Variants in PRKCI observed in about 807,000 individuals in gnomAD.
The protein encoded by PRKCI is protein kinase C iota type.
A neutral mutation model predicts 84.0 loss-of-function variants in PRKCI; 43 were observed. That is an observed-to-expected ratio of 0.51 (90% CI 0.40 to 0.66). PRKCI has a LOEUF of 0.66. Among genes scored for constraint, PRKCI ranks in the 30% least tolerant of loss-of-function variants. The probability of loss-of-function intolerance (pLI) is 0.00; values close to 1 mark genes in which losing one functional copy is unlikely to be tolerated. For missense variants in PRKCI, 459 were observed against 745.6 expected, an observed-to-expected ratio of 0.62 and a Z score of 4.48; for synonymous variants, 216 against 234.4, an observed-to-expected ratio of 0.92 and a Z score of 0.72.
At chr3:170,272,256 G>A (rs573469831) in intron 6 of PRKCI, among the ~76,000 whole-genome samples, 12 of 152,218 alleles carry the variant, frequency 7.9e-5, no homozygotes, top group African/African-American at 2.9e-4. Context: ...ACTGCCTATC[G>A]ATTAGCCCTG....
intron 4 of PRKCI, among the ~76,000 whole-genome samples, 158 bp from the exon 5 acceptor site, chr3:170,267,756 GT>G (rs1240475802): frequency 6.6e-6 from 1 of 150,386 alleles, no homozygotes; most frequent in Non-Finnish European, 1.5e-5. Flanking sequence ...TTTTTCTTTG[GT>G]CCCTTGATGA....
intron 2 of PRKCI, among the ~76,000 whole-genome samples, chr3:170,252,676 G>A (rs1733484262): frequency 6.6e-6 from 1 of 150,488 alleles, no homozygotes; most frequent in South Asian, 2.1e-4. Flanking sequence ...ACAGCTCACT[G>A]CAGCCTTGAC....
chr3:170,241,964 C>T (rs933042857), intron 2 of PRKCI, among the ~76,000 whole-genome samples: 8 of 152,130 alleles, frequency 5.3e-5, no homozygotes, highest in Admixed American at 4.6e-4. Context: ...ACAAAATTAG[C>T]TGGGCGTGGT....
chr3:170,249,112 C>T (rs941538060), intron 2 of PRKCI, among the ~76,000 whole-genome samples: 2 of 151,920 alleles, frequency 1.3e-5, no homozygotes, highest in Non-Finnish European at 2.9e-5. Flanking sequence ...TCTCCCAAAG[C>T]GCTGGGATTA....
At chr3:170,235,168 T>C (rs1732937628) in intron 1 of PRKCI, 62 bp from the exon 2 acceptor site, 3 of 1,522,734 alleles carry the variant, frequency 2.0e-6, no homozygotes, top group Non-Finnish European at 2.7e-6. Context: ...AAGCATTCAG[T>C]AATATATACA....
At chr3:170,259,852 T>G in intron 2 of PRKCI, 117 bp from the exon 3 acceptor site, 1 of 484,648 alleles carries the variant, frequency 2.1e-6, no homozygotes, top group Non-Finnish European at 3.6e-6. Flanking sequence ...CCTTGTCATA[T>G]ATTTGTTTAT....
At chr3:170,240,732 G>C (rs1311109148) in intron 2 of PRKCI, among the ~76,000 whole-genome samples, 1 of 152,200 alleles carries the variant, frequency 6.6e-6, no homozygotes, top group Non-Finnish European at 1.5e-5. Context: ...TATGAGAAGT[G>C]CTGTTCCTCA....
intron 12 of PRKCI, among the ~76,000 whole-genome samples, chr3:170,287,876 T>C (rs1734434239): frequency 7.7e-6 from 1 of 130,056 alleles, no homozygotes; most frequent in Non-Finnish European, 1.5e-5. Context: ...GCCACTGCAC[T>C]CCAGTCTGGG....
chr3:170,263,342 A>G, intron 3 of PRKCI, 37 bp from the exon 4 acceptor site: 1 of 1,529,032 alleles, frequency 6.5e-7, no homozygotes, highest in Non-Finnish European at 9.0e-7. Flanking sequence ...TATGTTTTAA[A>G]TATGCTGTTA....
chr3:170,226,511 T>C (rs1732631791), intron 1 of PRKCI, among the ~76,000 whole-genome samples: 2 of 152,216 alleles, frequency 1.3e-5, no homozygotes, highest in Non-Finnish European at 2.9e-5. Flanking sequence ...CTTTACATTA[T>C]ATATGTATGG....
chr3:170,240,554 G>A (rs950210119), intron 2 of PRKCI, among the ~76,000 whole-genome samples: 1 of 151,992 alleles, frequency 6.6e-6, no homozygotes, highest in Non-Finnish European at 1.5e-5. Context: ...TTAATTTTAG[G>A]CATACAGAGC....
At chr3:170,235,485 C>T in intron 2 of PRKCI, 134 bp downstream of exon 2, 52 of 934,664 alleles carry the variant, frequency 5.6e-5, no homozygotes, top group South Asian at 2.1e-4. Flanking sequence ...CTTGTTTTTT[C>T]TTTAAGTATT....
At chr3:170,281,061 T>C in intron 9 of PRKCI, 105 bp from the exon 10 acceptor site, 1 of 832,056 alleles carries the variant, frequency 1.2e-6, no homozygotes, top group Non-Finnish European at 1.9e-6. Flanking sequence ...TTTTGATATT[T>C]AGCCTAGTTA....
chr3:170,298,486 C>T (rs1734740494), intron 16 of PRKCI, among the ~76,000 whole-genome samples: 1 of 150,768 alleles, frequency 6.6e-6, no homozygotes, highest in African/African-American at 2.4e-5. Context: ...CTCACTGCAA[C>T]CTTCGCCACC....
chr3:170,234,774 T>A (rs1191717524), intron 1 of PRKCI, among the ~76,000 whole-genome samples: 1 of 152,120 alleles, frequency 6.6e-6, no homozygotes, highest in African/African-American at 2.4e-5. Flanking sequence ...TGCAAGTGTG[T>A]ATATATGTAT....
At chr3:170,234,117 C>T (rs374434970) in intron 1 of PRKCI, among the ~76,000 whole-genome samples, 3 of 145,152 alleles carry the variant, frequency 2.1e-5, no homozygotes, top group South Asian at 2.2e-4. Flanking sequence ...CTGCAATCTC[C>T]GCCTCCCGGG....
At chr3:170,223,110 T>C (rs922149810) in intron 1 of PRKCI, among the ~76,000 whole-genome samples, 10 of 152,052 alleles carry the variant, frequency 6.6e-5, no homozygotes, top group African/African-American at 2.2e-4. Flanking sequence ...CTGGGTGTAT[T>C]TGGGGTTGCG....
At chr3:170,273,487 C>T in intron 7 of PRKCI, 147 bp downstream of exon 7, 1 of 784,310 alleles carries the variant, frequency 1.3e-6, no homozygotes, top group Non-Finnish European at 2.0e-6. Flanking sequence ...TGAAATCAGT[C>T]ACACTATTTA....
intron 14 of PRKCI, among the ~76,000 whole-genome samples, chr3:170,295,195 A>G (rs1422646869): frequency 6.6e-6 from 1 of 151,350 alleles, no homozygotes; most frequent in African/African-American, 2.4e-5. Context: ...TGGGCAAGAC[A>G]GTGACACTCT....
Sources: allele counts gnomAD v4.1 joint callset (sites outside exome capture counted in the v4.1 genomes callset), GRCh38; gene constraint gnomAD v4.1.1; transcripts MANE v1.5; gene names NCBI Gene and HGNC (gene_info 2026-07-23, HGNC 2026-07-21).